CFAP54: variants seen among roughly 807,000 people sequenced by gnomAD.
CFAP54 encodes the protein cilia- and flagella-associated protein 54.
Under a neutral mutation model 370.4 loss-of-function variants are expected in CFAP54, and 290 were observed. The observed-to-expected ratio is 0.78, with a 90% CI of 0.71 to 0.86. The LOEUF (loss-of-function observed/expected upper bound fraction) is 0.86. Among genes scored for constraint, CFAP54 ranks in the 40% least tolerant of loss-of-function variants. CFAP54 has a pLI of 0.00. For missense variants in CFAP54, 3,399 were observed against 3,528.7 expected (o/e 0.96, Z 0.93); for synonymous variants, 1,206 against 1,236.5 (o/e 0.98, Z 0.52).
intron 65 of CFAP54, among the ~76,000 whole-genome samples, chr12:96,825,035 C>A (rs1364631792): frequency 6.6e-6 from 1 of 150,840 alleles, no homozygotes; most frequent in Non-Finnish European, 1.5e-5. Context: ...ATGTGTGACT[C>A]CCCCCACCCT....
intron 38 of CFAP54, among the ~76,000 whole-genome samples, chr12:96,660,344 G>C (rs995772644): frequency 5.9e-5 from 9 of 152,144 alleles, no homozygotes; most frequent in African/African-American, 2.2e-4. Flanking sequence ...GTCCCAATGT[G>C]AGTGTACCCC....
At chr12:96,772,277 G>C (rs1319393485) in intron 60 of CFAP54, among the ~76,000 whole-genome samples, 2 of 152,098 alleles carry the variant, frequency 1.3e-5, no homozygotes, top group Non-Finnish European at 2.9e-5. Flanking sequence ...TTTGGTTCTG[G>C]AGGTCAGAAG....
At position 96,561,352 on chromosome 12, in the gene CFAP54, C is replaced by G. The variant is rs149466391; in HGVS notation, c.2411-3116C>G. ...TCCATGTGAGATGTGACTTGTTCCT[C>G]TTTGCCTTCTGCCATGATTGTGAGG... On this transcript the variant is annotated intron_variant, in intron 17 of 67. Coordinates refer to ENST00000524981, the MANE Select transcript of CFAP54 (RefSeq NM_001306084.2). 1.1e-3 allele frequency among the ~76,000 whole-genome samples: 162 copies of G among 152,318 alleles called. 1 individual carries two copies. Among genetic ancestry groups the G allele is most frequent in the African/African-American group, 3.7e-3 (155 of 41,582 alleles).
chr12:96,809,307 T>A (rs6538742), intron 63 of CFAP54, among the ~76,000 whole-genome samples: 122,759 of 152,030 alleles, frequency 0.81, 50,187 homozygotes, highest in African/African-American at 0.94. Context: ...TATTATTCAG[T>A]TATTGAACCA....
intron 63 of CFAP54, among the ~76,000 whole-genome samples, chr12:96,810,202 C>G (rs1435037013): frequency 6.6e-6 from 1 of 152,016 alleles, no homozygotes; most frequent in Non-Finnish European, 1.5e-5. Context: ...CTCAGTCATG[C>G]TTGTTGTTGG....
chr12:96,525,019 T>C (rs1330443696), intron 8 of CFAP54, among the ~76,000 whole-genome samples: 1 of 152,178 alleles, frequency 6.6e-6, no homozygotes, highest in Non-Finnish European at 1.5e-5. Flanking sequence ...ATTATGGAAT[T>C]GAAGGACATA....
chr12:96,493,389 C>T (rs1197872660), intron 1 of CFAP54, among the ~76,000 whole-genome samples: 1 of 152,186 alleles, frequency 6.6e-6, no homozygotes, highest in Non-Finnish European at 1.5e-5. Flanking sequence ...ATGTGTCAGG[C>T]TTCCTACTAG....
chr12:96,839,209 T>A, intron 66 of CFAP54, among the ~76,000 whole-genome samples: 1 of 152,308 alleles, frequency 6.6e-6, no homozygotes, highest in African/African-American at 2.4e-5. Context: ...AATGCTTTGA[T>A]CTCTCTGTTT....
rs751642166 is a variant in CFAP54 at position 96,693,819 on chromosome 12, A to G, written c.6351+11A>G. On this transcript the variant is annotated intron_variant, in intron 45 of 67. Transcript: ENST00000524981. ...GCAAGAATCCTCAAGGTATGTTACAAGCTTTTAAGACATTTGATATTCTTG... is the reference window on the plus strand; with the variant it reads ...GCAAGAATCCTCAAGGTATGTTACAGGCTTTTAAGACATTTGATATTCTTG... 32 of 1,497,664 alleles carry G rather than the reference A, an allele frequency of 2.1e-5. No individual in the cohort carries two copies. In the South Asian group the frequency reaches 2.2e-4, roughly 10 times the overall value. 92.8% of individuals were successfully genotyped at this position (1,497,664 alleles called of 1,614,324 possible). A position where few individuals can be genotyped will look rare whatever the true frequency, so the allele number is the denominator to read the frequency against.
At chr12:96,792,565 C>G (rs1958712664) in intron 63 of CFAP54, 66 bp downstream of exon 63, 2 of 1,263,116 alleles carry the variant, frequency 1.6e-6, no homozygotes, top group South Asian at 1.6e-5. Flanking sequence ...ACCATTATAA[C>G]TTGGAGAGTA....
chr12:96,605,542 C>G (rs1956290961), intron 26 of CFAP54, among the ~76,000 whole-genome samples: 1 of 152,142 alleles, frequency 6.6e-6, no homozygotes, highest in East Asian at 1.9e-4. Context: ...ATCTGGACAT[C>G]TAAACCCACG....
intron 28 of CFAP54, among the ~76,000 whole-genome samples, chr12:96,625,326 TG>T (rs1956539102): frequency 1.3e-5 from 2 of 152,342 alleles, no homozygotes; most frequent in Admixed American, 1.3e-4. Flanking sequence ...CCAGCCAGTC[TG>T]GCTCCAGCAG....
intron 58 of CFAP54, among the ~76,000 whole-genome samples, chr12:96,762,925 T>C (rs1315436169): frequency 2.0e-5 from 3 of 152,322 alleles, no homozygotes; most frequent in Admixed American, 2.0e-4. Flanking sequence ...ACATCAGCAT[T>C]GTACACGGCC....
At chr12:96,858,532 T>A (rs1959779403) in intron 66 of CFAP54, among the ~76,000 whole-genome samples, 1 of 152,256 alleles carries the variant, frequency 6.6e-6, no homozygotes, top group Non-Finnish European at 1.5e-5. Context: ...TTGTTGTGAT[T>A]GTTTTTAGTG....
chr12:96,798,906 G>T (rs1038020413), intron 63 of CFAP54, among the ~76,000 whole-genome samples: 2 of 152,126 alleles, frequency 1.3e-5, no homozygotes, highest in Non-Finnish European at 2.9e-5. Flanking sequence ...AGAAAAGAGA[G>T]TAAACTGTGC....
chr12:96,613,765 C>T (rs1033393437), intron 26 of CFAP54, among the ~76,000 whole-genome samples: 2 of 152,146 alleles, frequency 1.3e-5, no homozygotes, highest in African/African-American at 4.8e-5. Flanking sequence ...ACTAGAAAAT[C>T]TAGAAGAAAT....
At chr12:96,863,632 C>A (rs758472252) in intron 67 of CFAP54, among the ~76,000 whole-genome samples, 2 of 152,146 alleles carry the variant, frequency 1.3e-5, no homozygotes, top group Non-Finnish European at 2.9e-5. Context: ...ACTGGGACAC[C>A]TGTCATCTGC....
intron 58 of CFAP54, among the ~76,000 whole-genome samples, chr12:96,757,841 A>G (rs1323911523): frequency 6.6e-6 from 1 of 152,208 alleles, no homozygotes; most frequent in Non-Finnish European, 1.5e-5. Flanking sequence ...GTAACTGTAC[A>G]TAAATATATA....
chr12:96,643,039 T>A (rs760734477), intron 32 of CFAP54, among the ~76,000 whole-genome samples: 1 of 152,178 alleles, frequency 6.6e-6, no homozygotes, highest in Non-Finnish European at 1.5e-5. Flanking sequence ...TGCAACCGAT[T>A]GTTGACTCAT....
Sources: allele counts gnomAD v4.1 joint callset (sites outside exome capture counted in the v4.1 genomes callset), GRCh38; gene constraint gnomAD v4.1.1; transcripts MANE v1.5; gene names NCBI Gene and HGNC (gene_info 2026-07-23, HGNC 2026-07-21).